Variants in STK32A observed in about 807,000 individuals in gnomAD.
The protein encoded by STK32A is serine/threonine kinase 32A.
In STK32A, 41 loss-of-function variants were observed where a neutral mutation model predicts 53.2. The ratio of observed to expected loss-of-function variants is 0.77; its 90% CI spans 0.60 to 1.00. The LOEUF (loss-of-function observed/expected upper bound fraction) is 1.00. STK32A is among the 50% of genes least tolerant of loss of function. The pLI is 0.00. For missense variants in STK32A, 458 were observed against 485.8 expected (o/e 0.94, Z 0.54); for synonymous variants, 166 against 162.8 (o/e 1.02, Z -0.15).
intron 4 of STK32A, among the ~76,000 whole-genome samples, chr5:147,294,393 C>T (rs1457554396): frequency 1.3e-5 from 2 of 152,100 alleles, no homozygotes; most frequent in Non-Finnish European, 2.9e-5. Context: ...TCCCGAGTAG[C>T]TGAAACTACA....
chr5:147,259,385 G>T (rs892943317), intron 2 of STK32A, among the ~76,000 whole-genome samples: 1 of 152,126 alleles, frequency 6.6e-6, no homozygotes, highest in Non-Finnish European at 1.5e-5. Flanking sequence ...GGGTTACTGG[G>T]TTAAGGATTT....
intron 6 of STK32A, among the ~76,000 whole-genome samples, chr5:147,346,106 G>C (rs1755672883): frequency 6.6e-6 from 1 of 152,110 alleles, no homozygotes; most frequent in Non-Finnish European, 1.5e-5. Context: ...ACTTTTCCAT[G>C]AACAAATTCC....
At chr5:147,320,723 G>A (rs1754270484) in intron 4 of STK32A, among the ~76,000 whole-genome samples, 1 of 152,196 alleles carries the variant, frequency 6.6e-6, no homozygotes, top group Non-Finnish European at 1.5e-5. Flanking sequence ...GACTAGAAAA[G>A]TGAAAAGAAT....
Position 147,324,042 on chromosome 5 carries a change from C to A in STK32A, c.405C>A (p.Asp135Glu). The A allele has an allele frequency of 6.2e-7, 1 of 1,608,970 alleles. No individual in the cohort carries two copies. The highest frequency in any genetic ancestry group is 2.2e-5 in the East Asian group (1 of 44,742). Reference protein sequence around the residue: ...LFICELVMALDYLQNQRIIHR... With the variant: ...LFICELVMALEYLQNQRIIHR... ...TCTGTGAGCTGGTCATGGCCCTGGACTACCTGCAGAACCAGCGCATCATTC... is the reference window on the plus strand; with the variant it reads ...TCTGTGAGCTGGTCATGGCCCTGGAATACCTGCAGAACCAGCGCATCATTC... The change falls in exon 5 of 13, where the codon GAC (aspartate) becomes GAA (glutamate). Residue 135 changes from aspartate (D) to glutamate (E), a missense_variant. Asp to Glu is a conservative substitution (Grantham distance 45, BLOSUM62 2). Coordinates refer to ENST00000397936, the MANE Select transcript of STK32A (RefSeq NM_001112724.2).
At chr5:147,317,773 A>T (rs945173920) in intron 4 of STK32A, among the ~76,000 whole-genome samples, 3 of 152,232 alleles carry the variant, frequency 2.0e-5, no homozygotes, top group Admixed American at 6.5e-5. Context: ...AACATTTGAT[A>T]AAAATTTCTT....
intron 2 of STK32A, among the ~76,000 whole-genome samples, chr5:147,254,547 G>T (rs1754140332): frequency 6.6e-6 from 1 of 152,152 alleles, no homozygotes; most frequent in South Asian, 2.1e-4. Flanking sequence ...ATAGAAGGGT[G>T]CACCCTTACA....
intron 8 of STK32A, among the ~76,000 whole-genome samples, chr5:147,363,328 A>G (rs4235730): frequency 0.48 from 73,556 of 151,692 alleles, 18,984 homozygotes; most frequent in East Asian, 0.64. Context: ...AGATCTACAC[A>G]GGCATGGGAG....
At chr5:147,398,997 G>A in the STK32A span, 3 of 1,525,062 alleles carry the variant, frequency 2.0e-6, no homozygotes, top group Non-Finnish European at 2.7e-6. Context: ...AACTACCCTG[G>A]CACACCACAT....
intron 7 of STK32A, among the ~76,000 whole-genome samples, chr5:147,360,417 A>G (rs1050450523): frequency 2.1e-5 from 3 of 146,246 alleles, no homozygotes; most frequent in African/African-American, 7.5e-5. Context: ...TATCACTGCA[A>G]TCCAGCCTGG....
At position 147,385,025 on chromosome 5, in the gene STK32A, A is replaced by G. The variant is rs1561762971; in HGVS notation, c.*1042A>G. ...CAGTGTCACCTTTCACTAATGAAAC[A>G]AGCCATTGCTTTTGTTTTGTTTTGA... On this transcript the variant is annotated 3_prime_UTR_variant, in exon 13 of 13. Coordinates refer to ENST00000397936, the MANE Select transcript of STK32A (RefSeq NM_001112724.2). The G allele has an allele frequency of 6.6e-6, 1 of 152,218 alleles. No individual in the cohort carries two copies. The highest frequency in any genetic ancestry group is 1.5e-5 in the Non-Finnish European group (1 of 68,048). The allele number at this position is 152,218 out of a possible 1,614,324, so 9.4% of individuals were successfully genotyped here.
intron 4 of STK32A, among the ~76,000 whole-genome samples, chr5:147,320,814 A>G (rs990983532): frequency 2.6e-5 from 4 of 152,148 alleles, no homozygotes; most frequent in African/African-American, 9.7e-5. Flanking sequence ...AGGGGGCGTG[A>G]ATTGCTAGCT....
intron 4 of STK32A, among the ~76,000 whole-genome samples, chr5:147,296,276 C>T (rs900388720): frequency 6.6e-6 from 1 of 151,844 alleles, no homozygotes; most frequent in East Asian, 1.9e-4. Context: ...AGTTTTAGAG[C>T]AGGAATTAAA....
intron 2 of STK32A, among the ~76,000 whole-genome samples, chr5:147,267,316 G>A (rs761544321): frequency 6.6e-6 from 1 of 152,056 alleles, no homozygotes; most frequent in South Asian, 2.1e-4. Flanking sequence ...AAACCCAAAA[G>A]CAGAGTTTCA....
At chr5:147,279,038 GA>G (rs1391892339) in intron 3 of STK32A, among the ~76,000 whole-genome samples, 1 of 152,078 alleles carries the variant, frequency 6.6e-6, no homozygotes, top group Non-Finnish European at 1.5e-5. Flanking sequence ...AATTGTTTGA[GA>G]AAAAAGAGAT....
the STK32A span, among the ~76,000 whole-genome samples, chr5:147,397,271 A>C: frequency 2.8e-3 from 428 of 152,030 alleles, 1 homozygote; most frequent in South Asian, 8.5e-3. Context: ...AAATGTTATA[A>C]GTGTTTGCCC....
intron 7 of STK32A, among the ~76,000 whole-genome samples, chr5:147,351,749 A>G (rs1755994574): frequency 6.6e-6 from 1 of 152,174 alleles, no homozygotes; most frequent in African/African-American, 2.4e-5. Flanking sequence ...CGGGGGGCTG[A>G]GGCAGGAGAA....
intron 4 of STK32A, among the ~76,000 whole-genome samples, chr5:147,301,354 T>G (rs772575784): frequency 6.6e-6 from 1 of 152,140 alleles, no homozygotes; most frequent in African/African-American, 2.4e-5. Flanking sequence ...TTCAGGGTTA[T>G]TCCTGTGTGC....
chr5:147,254,370 A>C (rs1226079677), intron 2 of STK32A, among the ~76,000 whole-genome samples: 2 of 152,190 alleles, frequency 1.3e-5, no homozygotes, highest in Non-Finnish European at 2.9e-5. Context: ...GATTATACGA[A>C]ATAATGCAGG....
intron 4 of STK32A, among the ~76,000 whole-genome samples, chr5:147,311,202 A>C (rs990243534): frequency 2.6e-5 from 4 of 152,174 alleles, no homozygotes; most frequent in African/African-American, 9.7e-5. Context: ...TTTCTATCAC[A>C]GTATCCTTCA....
Sources: allele counts gnomAD v4.1 joint callset (sites outside exome capture counted in the v4.1 genomes callset), GRCh38; gene constraint gnomAD v4.1.1; transcripts MANE v1.5; gene names NCBI Gene and HGNC (gene_info 2026-07-23, HGNC 2026-07-21).